CFAP61: variants seen among roughly 807,000 people sequenced by gnomAD.
CFAP61 encodes the protein cilia- and flagella-associated protein 61.
In CFAP61, 107 loss-of-function variants were observed where a neutral mutation model predicts 135.6. That is an observed-to-expected ratio of 0.79 (90% CI 0.67 to 0.93). The LOEUF (loss-of-function observed/expected upper bound fraction) is 0.93. Among genes scored for constraint, CFAP61 ranks in the 40% least tolerant of loss-of-function variants. CFAP61 has a pLI of 0.00. For synonymous variants in CFAP61, 575 were observed against 578.5 expected, an observed-to-expected ratio of 0.99 and a Z score of 0.09; for missense variants, 1,507 against 1,556.2, an observed-to-expected ratio of 0.97 and a Z score of 0.53.
chr20:20,322,583 G>A (rs1000735303), intron 25 of CFAP61: 13 of 543,592 alleles, frequency 2.4e-5, no homozygotes, highest in Non-Finnish European at 2.3e-5. Context: ...GTGTAAAGGA[G>A]GAAAGAGGGA....
intron 21 of CFAP61, chr20:20,265,457 T>A (rs1483292567): frequency 1.3e-6 from 1 of 779,798 alleles, no homozygotes; most frequent in African/African-American, 1.7e-5. Context: ...CTTGCCCAGT[T>A]GTCAGGGATG....
intron 3 of CFAP61, 54 bp from the exon 4 acceptor site, chr20:20,074,248 A>T (rs932422805): frequency 2.2e-5 from 32 of 1,471,122 alleles, no homozygotes; most frequent in Non-Finnish European, 2.8e-5. Context: ...CCCTGTGCTG[A>T]CCTAGCCCGA....
chr20:20,105,807 AG>A (rs1182201361), intron 8 of CFAP61, among the ~76,000 whole-genome samples: 1 of 65,496 alleles, frequency 1.5e-5, no homozygotes, highest in Non-Finnish European at 3.0e-5. Flanking sequence ...AATTTTTTTG[AG>A]TTTTTTTTTT....
At chr20:20,213,215 T>G (rs543765648) in intron 17 of CFAP61, among the ~76,000 whole-genome samples, 4 of 152,212 alleles carry the variant, frequency 2.6e-5, no homozygotes, top group Non-Finnish European at 5.9e-5. Flanking sequence ...GCTTTGGTGC[T>G]TTTGACTTAG....
In CFAP61 at chr20:20,263,078, G is replaced by A; in HGVS notation, c.2451G>A (p.Glu817=). Residue 817 remains glutamate, a synonymous_variant, in exon 21 of 27, where the codon GAG becomes GAA. Coordinates refer to ENST00000245957, the MANE Select transcript of CFAP61 (RefSeq NM_015585.4). The part of the protein sequence containing the change: ...PCNHFTLNEE[E]DCFKALIWIR... ...ACCATTTCACTCTCAACGAGGAAGA[G>A]GATTGCTTTAAGGCACTGATTTGGA... The A allele has an allele frequency of 6.2e-7, 1 of 1,613,940 alleles. No individual in the cohort carries two copies. Among genetic ancestry groups the A allele is most frequent in the Non-Finnish European group, 8.5e-7 (1 of 1,179,916 alleles).
intron 18 of CFAP61, among the ~76,000 whole-genome samples, chr20:20,229,024 T>C (rs181893846): frequency 0.01 from 1,598 of 152,292 alleles, 16 homozygotes; most frequent in Non-Finnish European, 0.016. Flanking sequence ...GCCCTTGAAT[T>C]TTGGATCCCC....
chr20:20,338,803 T>C (rs1165846394), intron 25 of CFAP61, among the ~76,000 whole-genome samples: 1 of 152,260 alleles, frequency 6.6e-6, no homozygotes, highest in Non-Finnish European at 1.5e-5. Flanking sequence ...TCGATGTAAC[T>C]GCCTGGATGA....
At position 20,131,866 on chromosome 20, in the gene CFAP61, ATTC is replaced by A. The variant is rs2050554904; in HGVS notation, c.860-10988_860-10986del. Among the ~76,000 whole-genome samples, 4 of 152,132 alleles carry A rather than the reference ATTC, an allele frequency of 2.6e-5. No homozygotes were observed. In the South Asian group the frequency reaches 8.3e-4, roughly 32 times the overall value. On this transcript the variant is annotated intron_variant, in intron 8 of 26. Transcript: ENST00000245957. The stretch of plus-strand genomic sequence containing the variant: ...ATATGTTTGAAATTTCATTTTATAT[ATTC>A]TTTGACTTACGAGTTATTTAAAATA...
chr20:20,184,675 C>A (rs2055371441), intron 13 of CFAP61: 1 of 152,114 alleles, frequency 6.6e-6, no homozygotes, highest in Non-Finnish European at 1.5e-5. Flanking sequence ...TAGGAACTTC[C>A]TCAGGTAGGA....
At chr20:20,327,046 T>G (rs1026998210) in intron 25 of CFAP61, among the ~76,000 whole-genome samples, 1 of 152,164 alleles carries the variant, frequency 6.6e-6, no homozygotes, top group Non-Finnish European at 1.5e-5. Context: ...ATCTTTTTGT[T>G]TCATTACATT....
At position 20,251,717 on chromosome 20, in the gene CFAP61, T is replaced by C; in HGVS notation, c.2282T>C (p.Ile761Thr). ...AKHVVLSTDE[I>T]VPYDHLILCT... is the part of the protein sequence containing the mutation. ...CACGTTGTGCTTTCCACGGACGAGA[T>C]CGTGCCCTACGACCACCTCATCCTC... The change falls in exon 20 of 27, where the codon ATC becomes ACC. Residue 761 changes from isoleucine (I) to threonine (T), a missense_variant. By Grantham distance (89) the Ile-to-Thr change is moderately conservative. Transcript: ENST00000245957. 4 of 1,614,116 alleles carry C rather than the reference T, an allele frequency of 2.5e-6. No homozygotes were observed. Among genetic ancestry groups the C allele is most frequent in the Non-Finnish European group, 3.4e-6 (4 of 1,180,050 alleles).
chr20:20,106,004 A>T (rs2048365222), intron 8 of CFAP61, among the ~76,000 whole-genome samples: 1 of 13,398 alleles, frequency 7.5e-5, no homozygotes, highest in African/African-American at 3.1e-4. Context: ...TCTTGCCTAT[A>T]TATATATATA....
intron 17 of CFAP61, among the ~76,000 whole-genome samples, chr20:20,227,572 A>C (rs1224258102): frequency 6.6e-6 from 1 of 152,226 alleles, no homozygotes; most frequent in Non-Finnish European, 1.5e-5. Context: ...ATCAATGACT[A>C]ATTCAGGTAA....
At chr20:20,237,195 T>C (rs1038321637) in intron 18 of CFAP61, among the ~76,000 whole-genome samples, 9 of 152,202 alleles carry the variant, frequency 5.9e-5, no homozygotes, top group South Asian at 2.1e-4. Flanking sequence ...CTGGCCACCA[T>C]GCCCCTCCCC....
intron 25 of CFAP61, among the ~76,000 whole-genome samples, chr20:20,335,440 G>T (rs1194953821): frequency 2.6e-5 from 4 of 152,312 alleles, no homozygotes; most frequent in South Asian, 4.1e-4. Flanking sequence ...GTGGTTCCCA[G>T]CCTCCCATGC....
At chr20:20,229,513 A>G (rs1569162943) in intron 18 of CFAP61, among the ~76,000 whole-genome samples, 1 of 152,130 alleles carries the variant, frequency 6.6e-6, no homozygotes, top group Admixed American at 6.5e-5. Flanking sequence ...GCAGCCTACC[A>G]TCACTCTTCT....
chr20:20,271,171 C>T (rs1190775077), intron 21 of CFAP61, among the ~76,000 whole-genome samples: 1 of 152,100 alleles, frequency 6.6e-6, no homozygotes, highest in Non-Finnish European at 1.5e-5. Context: ...TGGCACGTGG[C>T]TGTAGTCCCA....
intron 22 of CFAP61, among the ~76,000 whole-genome samples, chr20:20,286,536 C>T (rs199742626): frequency 6.6e-6 from 1 of 152,202 alleles, no homozygotes; most frequent in African/African-American, 2.4e-5. Context: ...TTTTGCTCTC[C>T]TTAATCAGAA....
At chr20:20,303,333 C>G (rs937991831) in intron 25 of CFAP61, among the ~76,000 whole-genome samples, 2 of 152,028 alleles carry the variant, frequency 1.3e-5, no homozygotes, top group African/African-American at 4.8e-5. Context: ...GTAATAATTT[C>G]AAAAGTTAAT....
Sources: gnomAD v4.1 joint callset for allele counts (sites outside exome capture counted in the v4.1 genomes callset) on GRCh38, gnomAD v4.1.1 for gene constraint, MANE v1.5 for transcripts, NCBI Gene and HGNC (gene_info 2026-07-23, HGNC 2026-07-21) for gene names.